PDE1A: variants seen among roughly 807,000 people sequenced by gnomAD.
The protein encoded by PDE1A is phosphodiesterase 1A, also known as dual specificity calcium/calmodulin-dependent 3',5'-cyclic nucleotide phosphodiesterase 1A.
Under a neutral mutation model 61.7 loss-of-function variants are expected in PDE1A, and 35 were observed. That is an observed-to-expected ratio of 0.57 (90% confidence interval 0.43 to 0.75). PDE1A has a LOEUF of 0.75. PDE1A is among the 30% of genes least tolerant of loss of function. PDE1A has a pLI of 0.00. For missense variants in PDE1A, 597 were observed against 630.6 expected, an observed-to-expected ratio of 0.95 and a Z score of 0.57; for synonymous variants, 232 against 213.2, an observed-to-expected ratio of 1.09 and a Z score of -0.77.
the PDE1A span, among the ~76,000 whole-genome samples, chr2:182,600,218 A>G: frequency 6.6e-6 from 1 of 152,182 alleles, no homozygotes; most frequent in African/African-American, 2.4e-5. Flanking sequence ...GTCATCATCA[A>G]CGCATTTCTC....
At chr2:182,398,892 A>C (rs1701848469) in intron 1 of PDE1A, among the ~76,000 whole-genome samples, 1 of 152,040 alleles carries the variant, frequency 6.6e-6, no homozygotes, top group South Asian at 2.1e-4. Flanking sequence ...AGTTTGTTAC[A>C]TGGGTTTGAA....
the PDE1A span, among the ~76,000 whole-genome samples, chr2:182,690,796 A>C: frequency 6.6e-5 from 10 of 152,372 alleles, no homozygotes; most frequent in South Asian, 1.4e-3. Flanking sequence ...ATCTCAGCCC[A>C]AAATCTCTTT....
chr2:182,498,038 T>A (rs1688823710), intron 2 of PDE1A, among the ~76,000 whole-genome samples: 2 of 112,980 alleles, frequency 1.8e-5, no homozygotes, highest in Admixed American at 2.2e-4. Context: ...AGAGCGAGAT[T>A]GCGTCTCAAA....
intron 1 of PDE1A, among the ~76,000 whole-genome samples, chr2:182,407,386 T>A (rs1384038931): frequency 6.6e-6 from 1 of 152,176 alleles, no homozygotes; most frequent in African/African-American, 2.4e-5. Flanking sequence ...ATTATTATTT[T>A]TTTTTTATTT....
intron 13 of PDE1A, among the ~76,000 whole-genome samples, chr2:182,160,671 G>A (rs1324984494): frequency 2.0e-5 from 3 of 152,044 alleles, no homozygotes; most frequent in Non-Finnish European, 4.4e-5. Flanking sequence ...TCACACTACC[G>A]GCTTCTCTCA....
the PDE1A span, among the ~76,000 whole-genome samples, chr2:182,532,945 C>CAAAA: frequency 0.099 from 2,105 of 21,166 alleles, 696 homozygotes; most frequent in African/African-American, 0.13. Flanking sequence ...GACTCCGTCT[C>CAAAA]AAAAAAAAAA....
chr2:182,222,036 T>C (rs529099172), intron 7 of PDE1A, among the ~76,000 whole-genome samples: 2 of 151,850 alleles, frequency 1.3e-5, no homozygotes, highest in Non-Finnish European at 2.9e-5. Flanking sequence ...AAATCAGTTG[T>C]TAAAAATATA....
intron 11 of PDE1A, among the ~76,000 whole-genome samples, chr2:182,186,828 T>C (rs918678577): frequency 1.3e-5 from 2 of 152,224 alleles, no homozygotes; most frequent in Non-Finnish European, 2.9e-5. Context: ...GCTTGCTAAC[T>C]CAAGTATATT....
the PDE1A span, among the ~76,000 whole-genome samples, chr2:182,604,511 A>G: frequency 3.9e-5 from 6 of 152,244 alleles, no homozygotes. Context: ...AAATGACAAA[A>G]GTAATCATTT....
intron 1 of PDE1A, among the ~76,000 whole-genome samples, chr2:182,377,012 A>C (rs532933353): frequency 6.6e-6 from 1 of 152,326 alleles, no homozygotes; most frequent in Non-Finnish European, 1.5e-5. Context: ...AACACATGAG[A>C]ATTACGGGAG....
At chr2:182,320,768 T>C (rs1349538257) in intron 1 of PDE1A, among the ~76,000 whole-genome samples, 4 of 152,218 alleles carry the variant, frequency 2.6e-5, no homozygotes, top group Non-Finnish European at 1.5e-5. Flanking sequence ...AATTTAGACA[T>C]GTCATTTGAC....
rs550883686 is a variant in PDE1A at position 182,275,117 on chromosome 2, A to T, written c.54-10703T>A. Among the ~76,000 whole-genome samples the T allele has an allele frequency of 2.0e-5, 3 of 152,250 alleles. No homozygotes were observed. In the South Asian group the frequency reaches 6.2e-4, roughly 32 times the overall value. On this transcript the variant is annotated intron_variant, in intron 1 of 13. Coordinates refer to ENST00000351439, the Ensembl canonical transcript of PDE1A. ...GGGAATAGTGAGGATAACCCAAATA[A>T]GCAACTGCAGGAAGCTTTTGGAGGG...
chr2:182,636,660 G>T, the PDE1A span, among the ~76,000 whole-genome samples: 2 of 152,156 alleles, frequency 1.3e-5, no homozygotes, highest in East Asian at 3.8e-4. Flanking sequence ...GTTTATAATT[G>T]CTTCTTAGAG....
At chr2:182,446,203 T>C (rs1015746450) in intron 2 of PDE1A, among the ~76,000 whole-genome samples, 26 of 152,056 alleles carry the variant, frequency 1.7e-4, no homozygotes, top group African/African-American at 4.6e-4. Flanking sequence ...TTTTGTAGTA[T>C]CTTAAAATGC....
At chr2:182,426,404 CAA>C (rs1671203699) in intron 1 of PDE1A, among the ~76,000 whole-genome samples, 172 bp downstream of exon 1, 1 of 152,124 alleles carries the variant, frequency 6.6e-6, no homozygotes, top group African/African-American at 2.4e-5. Context: ...AGTTTGTGCA[CAA>C]AGTTTCAGAA....
intron 9 of PDE1A, 32 bp from the exon 10 acceptor site, chr2:182,201,591 A>G (rs1285850195): frequency 6.8e-6 from 11 of 1,607,440 alleles, no homozygotes; most frequent in Non-Finnish European, 9.3e-6. Flanking sequence ...TATATTATTC[A>G]AAACAAAGGA....
chr2:182,678,621 A>G, the PDE1A span, among the ~76,000 whole-genome samples: 2 of 152,208 alleles, frequency 1.3e-5, no homozygotes, highest in African/African-American at 4.8e-5. Context: ...GCAGAATATA[A>G]AATTAATATA....
chr2:182,230,903 C>A (rs1285670923), intron 5 of PDE1A, 112 bp downstream of exon 5: 2 of 665,956 alleles, frequency 3.0e-6, no homozygotes, highest in East Asian at 5.1e-5. Flanking sequence ...CTGTGACCTG[C>A]TAACTAAAAC....
rs1382262156 is a variant in PDE1A at position 182,507,970 on chromosome 2, A to AT, written c.101+14305dup. 2.0e-5 allele frequency among the ~76,000 whole-genome samples: 3 copies of AT among 152,162 alleles called. No individual in the cohort carries two copies. In the East Asian group the frequency reaches 5.8e-4, roughly 29 times the overall value. On this transcript the variant is annotated intron_variant, in intron 2 of 14. Coordinates refer to the PDE1A transcript ENST00000410103. ...AGGCAGAATAAACTATATTAAGATT[A>AT]TTTTTCTGAAATAAACAGAAGAAAG...
Sources: gnomAD v4.1 joint callset for allele counts (sites outside exome capture counted in the v4.1 genomes callset) on GRCh38, gnomAD v4.1.1 for gene constraint, MANE v1.5 for transcripts, NCBI Gene and HGNC (gene_info 2026-07-23, HGNC 2026-07-21) for gene names.